Variants in F10 observed in about 807,000 individuals in gnomAD.
F10 encodes the protein Stuart-Prower factor.
F10 carries 29 observed loss-of-function variants against 37.1 expected under a neutral mutation model. The ratio of observed to expected loss-of-function variants is 0.78; its 90% CI spans 0.58 to 1.07. F10 has a LOEUF of 1.07. Ranked by LOEUF, F10 falls within the 50% of genes least tolerant of loss-of-function variation. The pLI is 0.00. For missense variants in F10, 539 were observed against 667.9 expected (o/e 0.81, Z 2.13); for synonymous variants, 262 against 268.6 (o/e 0.98, Z 0.24).
At chr13:113,123,469 G>T (rs1047035032) in intron 1 of F10, among the ~76,000 whole-genome samples, 1 of 152,170 alleles carries the variant, frequency 6.6e-6, no homozygotes, top group Non-Finnish European at 1.5e-5. Flanking sequence ...GGCTGTCCAG[G>T]ACCCCCGGGT....
chr13:113,123,043 A>AGGCTGGGCTCGGAT, intron 1 of F10, 118 bp downstream of exon 1: 1 of 1,232,806 alleles, frequency 8.1e-7, no homozygotes. Context: ...GTGCTGCCAG[A>AGGCTGGGCTCGGAT]GGCTGGGCTC....
intron 2 of F10, among the ~76,000 whole-genome samples, chr13:113,137,741 GTC>G (rs1423524457): frequency 6.6e-6 from 1 of 152,134 alleles, no homozygotes; most frequent in African/African-American, 2.4e-5. Flanking sequence ...CGTCGCTCCT[GTC>G]TCTGCTTTCA....
intron 1 of F10, among the ~76,000 whole-genome samples, chr13:113,123,140 G>A (rs974978819): frequency 3.9e-5 from 6 of 152,202 alleles, no homozygotes; most frequent in Non-Finnish European, 7.3e-5. Context: ...GGGCGGATCA[G>A]AGGTCACAGA....
chr13:113,138,398 T>C (rs1276366345), intron 2 of F10, 59 bp from the exon 3 acceptor site: 11 of 844,230 alleles, frequency 1.3e-5, no homozygotes, highest in Admixed American at 2.0e-5. Context: ...ATGGTTGTTA[T>C]TGGTATAAAA....
In F10 at chr13:113,149,100, G is replaced by A. The variant is rs749693175; in HGVS notation, c.1050G>A (p.Glu350=). The change falls in exon 8 of 8, where the codon GAG becomes GAA. Residue 350 remains glutamate, a synonymous_variant. Transcript: ENST00000375559. The surrounding 1 kb of genome is among the most constrained non-coding windows in gnomAD (Gnocchi z 7.5). ...GCCTCCCCGAGCGTGACTGGGCCGA[G>A]TCCACGCTGATGACGCAGAAGACGG... The part of the protein sequence containing the change: ...PACLPERDWA[E]STLMTQKTGI... 34 of 1,613,034 alleles carry A rather than the reference G, an allele frequency of 2.1e-5. No individual in the cohort carries two copies. Among genetic ancestry groups the A allele is most frequent in the Non-Finnish European group, 2.7e-5 (32 of 1,179,986 alleles).
At chr13:113,123,036 C>G (rs60349518) in intron 1 of F10, 111 bp downstream of exon 1, 4 of 1,268,980 alleles carry the variant, frequency 3.2e-6, no homozygotes, top group Non-Finnish European at 4.4e-6. Context: ...GCCTTGAGTG[C>G]TGCCAGAGGC....
chr13:113,148,592 G>A (rs2036607563), intron 7 of F10, among the ~76,000 whole-genome samples: 1 of 152,030 alleles, frequency 6.6e-6, no homozygotes, highest in Admixed American at 6.6e-5. Flanking sequence ...GCACAACCTG[G>A]GTCTGGGATG....
rs895947658 is a variant in F10 at position 113,146,486 on chromosome 13, G to A, written c.748-893G>A. ...GAGGGGCCCTCGCCCAGCCTGTTGA[G>A]GTTTGCGATTCTTGTTTCCTGGTTC... On this transcript the variant is annotated intron_variant, in intron 6 of 7. Transcript: ENST00000375559. The surrounding 1 kb of genome is among the most constrained non-coding windows in gnomAD (Gnocchi z 4.5). 1.3e-5 allele frequency among the ~76,000 whole-genome samples: 2 copies of A among 152,204 alleles called. No homozygotes were observed. The highest frequency in any genetic ancestry group is 2.9e-5 in the Non-Finnish European group (2 of 68,026).
At chr13:113,126,404 A>G (rs971997598) in intron 1 of F10, among the ~76,000 whole-genome samples, 22 of 152,268 alleles carry the variant, frequency 1.4e-4, no homozygotes, top group African/African-American at 4.8e-4. Context: ...TTACTGGTCA[A>G]TCAGCCTGGG....
chr13:113,123,940 C>G (rs3211722), intron 1 of F10, among the ~76,000 whole-genome samples: 141 of 152,336 alleles, frequency 9.3e-4, no homozygotes, highest in African/African-American at 2.9e-3. Flanking sequence ...CTTCCTCCCC[C>G]TCAGGCCACA....
Position 113,143,701 on chromosome 13 carries a change from G to GTATGA in F10, c.503-149_503-148insATGAT. The GTATGA allele has an allele frequency of 7.8e-6, 9 of 1,157,464 alleles. No homozygotes were observed. Among genetic ancestry groups the GTATGA allele is most frequent in the Admixed American group, 7.3e-5 (3 of 41,146 alleles). 71.7% of individuals were successfully genotyped at this position (1,157,464 alleles called of 1,614,324 possible). Reference sequence around the variant, plus strand: ...TGCAGATCCGACCCCTGCCGACGACGTGGGGCCTCGCCCTGCAAGCCCGCT... The same window carrying GTATGA: ...TGCAGATCCGACCCCTGCCGACGACGTATGATGGGGCCTCGCCCTGCAAGCCCGCT... On this transcript the variant is annotated intron_variant, in intron 5 of 7. Coordinates refer to ENST00000375559, the MANE Select transcript of F10 (RefSeq NM_000504.4). The surrounding 1 kb of genome is among the most constrained non-coding windows in gnomAD (Gnocchi z 6.8).
Position 113,143,699 on chromosome 13 carries a change from A to AGAATCAG in F10, c.503-152_503-151insGAATCAG. 3 of 1,203,550 alleles carry AGAATCAG rather than the reference A, an allele frequency of 2.5e-6. No homozygotes were observed. Among genetic ancestry groups the AGAATCAG allele is most frequent in the East Asian group, 2.4e-5 (1 of 42,336 alleles). The allele number at this position is 1,203,550 out of a possible 1,614,324, so 74.6% of individuals were successfully genotyped here. A position where few individuals can be genotyped will look rare whatever the true frequency, so the allele number is the denominator to read the frequency against. On this transcript the variant is annotated intron_variant, in intron 5 of 7. Transcript: ENST00000375559. The surrounding 1 kb of genome is among the most constrained non-coding windows in gnomAD (Gnocchi z 6.8). Reference sequence around the variant, plus strand: ...CCTGCAGATCCGACCCCTGCCGACGACGTGGGGCCTCGCCCTGCAAGCCCG... The same window carrying AGAATCAG: ...CCTGCAGATCCGACCCCTGCCGACGAGAATCAGCGTGGGGCCTCGCCCTGCAAGCCCG...
chr13:113,140,073 C>CTTTTTTTTTTTTTTTTTTTT, intron 4 of F10, among the ~76,000 whole-genome samples: 1 of 125,414 alleles, frequency 8.0e-6, no homozygotes, highest in Non-Finnish European at 1.6e-5. Context: ...AATTGATCAT[C>CTTTTTTTTTTTTTTTTTTTT]TTTTTTTTTT....
At chr13:113,148,830 A>G in intron 7 of F10, 86 bp from the exon 8 acceptor site, 6 of 1,533,416 alleles carry the variant, frequency 3.9e-6, no homozygotes, top group Non-Finnish European at 5.3e-6. Flanking sequence ...AATTTAAAAA[A>G]ATATATATAA....
In F10 at chr13:113,144,116, C is replaced by T. The variant is rs200159123; in HGVS notation, c.747+21C>T. The T allele has an allele frequency of 2.7e-5, 44 of 1,612,928 alleles. No individual in the cohort carries two copies. The highest frequency in any genetic ancestry group is 3.5e-5 in the Non-Finnish European group (41 of 1,179,976). Reference sequence around the variant, plus strand: ...GGCAGGTAACAGTAGGATGTCCCCTCGGGCCTGCTGGAGAGACCACCTGTC... The same window carrying T: ...GGCAGGTAACAGTAGGATGTCCCCTTGGGCCTGCTGGAGAGACCACCTGTC... On this transcript the variant is annotated intron_variant, in intron 6 of 7. Transcript: ENST00000375559. The surrounding 1 kb of genome is among the most constrained non-coding windows in gnomAD (Gnocchi z 6.4).
chr13:113,125,926 G>C (rs2036366094), intron 1 of F10, among the ~76,000 whole-genome samples: 2 of 152,148 alleles, frequency 1.3e-5, no homozygotes. Flanking sequence ...GGATGAAAGA[G>C]ACACGAGTGG....
chr13:113,132,508 C>A (rs1200977189), intron 2 of F10, among the ~76,000 whole-genome samples: 1 of 152,150 alleles, frequency 6.6e-6, no homozygotes, highest in Non-Finnish European at 1.5e-5. Context: ...CAGAGAGAGA[C>A]GACTGAATTA....
intron 2 of F10, chr13:113,131,925 T>C (rs1212893047): frequency 6.6e-6 from 1 of 152,302 alleles, no homozygotes; most frequent in Non-Finnish European, 1.5e-5. Context: ...CAATCAAATG[T>C]GTTACCATGT....
chr13:113,125,827 T>G (rs981917566), intron 1 of F10, among the ~76,000 whole-genome samples: 1 of 152,220 alleles, frequency 6.6e-6, no homozygotes, highest in Non-Finnish European at 1.5e-5. Context: ...ACACGTCAAG[T>G]CTTTTTCCAG....
Sources: gnomAD v4.1 joint callset for allele counts (sites outside exome capture counted in the v4.1 genomes callset) on GRCh38, gnomAD v4.1.1 for gene constraint, Gnocchi (gnomAD v3.1) non-coding constraint, MANE v1.5 for transcripts, NCBI Gene and HGNC (gene_info 2026-07-23, HGNC 2026-07-21) for gene names.